AK9: variants seen among roughly 807,000 people sequenced by gnomAD.
AK9 encodes the protein adenylate kinase domain containing 1.
Under a neutral mutation model 239.6 loss-of-function variants are expected in AK9, and 191 were observed. The observed-to-expected ratio is 0.80, with a 90% CI of 0.71 to 0.90. The LOEUF (loss-of-function observed/expected upper bound fraction) is 0.90. Ranked by LOEUF, AK9 falls within the 40% of genes least tolerant of loss-of-function variation. AK9 has a pLI of 0.00. For synonymous variants in AK9, 689 were observed against 721.0 expected, an observed-to-expected ratio of 0.96 and a Z score of 0.71; for missense variants, 1,995 against 2,214.7, an observed-to-expected ratio of 0.90 and a Z score of 1.99.
At chr6:109,659,457 G>C (rs766047136) in intron 6 of AK9, 44 bp from the exon 7 acceptor site, 1 of 1,560,972 alleles carries the variant, frequency 6.4e-7, no homozygotes. Context: ...TTTTGAATAT[G>C]CTTTTAATTC....
At chr6:109,687,320 C>T (rs994662417) in intron 1 of AK9, among the ~76,000 whole-genome samples, 4 of 152,196 alleles carry the variant, frequency 2.6e-5, no homozygotes, top group African/African-American at 9.7e-5. Context: ...GTAGCAAACA[C>T]ACCCTAATCT....
intron 8 of AK9, among the ~76,000 whole-genome samples, chr6:109,654,551 G>A (rs923576087): frequency 3.9e-5 from 6 of 151,972 alleles, no homozygotes; most frequent in Admixed American, 2.6e-4. Flanking sequence ...GGCTGGTCTC[G>A]AACTCCTGAG....
At chr6:109,689,199 G>C (rs1352571446) in intron 1 of AK9, among the ~76,000 whole-genome samples, 5 of 151,422 alleles carry the variant, frequency 3.3e-5, no homozygotes, top group Non-Finnish European at 7.4e-5. Context: ...CTTTTTTTTT[G>C]TAAGTCCTTT....
chr6:109,667,473 T>G (rs1801375883), intron 5 of AK9, among the ~76,000 whole-genome samples: 1 of 152,190 alleles, frequency 6.6e-6, no homozygotes. Context: ...TACGTATGTA[T>G]ATGTGTGCCA....
intron 35 of AK9, among the ~76,000 whole-genome samples, chr6:109,499,851 C>T (rs145655884): frequency 0.023 from 3,459 of 152,234 alleles, 73 homozygotes; most frequent in Non-Finnish European, 0.034. Context: ...CCACCCACCT[C>T]GGCCTCCCAA....
chr6:109,495,510 G>C, intron 38 of AK9, 70 bp from the exon 39 acceptor site: 1 of 1,082,654 alleles, frequency 9.2e-7, no homozygotes. Context: ...GAATAGACAA[G>C]AGACTATTAG....
At chr6:109,516,704 A>C in intron 29 of AK9, 62 bp from the exon 30 acceptor site, 1 of 1,368,090 alleles carries the variant, frequency 7.3e-7, no homozygotes, top group South Asian at 1.3e-5. Context: ...GACACTATTA[A>C]CAAATCATCT....
intron 12 of AK9, among the ~76,000 whole-genome samples, chr6:109,627,177 G>A (rs1280876747): frequency 7.2e-6 from 1 of 139,054 alleles, no homozygotes; most frequent in Non-Finnish European, 1.5e-5. Context: ...CCTACATGGG[G>A]TCAGGATTAT....
At chr6:109,538,704 T>C (rs1158740032) in intron 27 of AK9, among the ~76,000 whole-genome samples, 1 of 152,198 alleles carries the variant, frequency 6.6e-6, no homozygotes, top group Non-Finnish European at 1.5e-5. Context: ...CTAGCATCAA[T>C]GATCTTTACA....
Position 109,661,956 on chromosome 6 carries a change from C to T in AK9, c.444+595G>A, listed in dbSNP as rs116124300. Reference sequence around the variant, plus strand: ...GAGAGAATTAGGAACAAGACCCAACCTTAACTCGTAATTAATGTAGTAGTG... The same window carrying T: ...GAGAGAATTAGGAACAAGACCCAACTTTAACTCGTAATTAATGTAGTAGTG... On this transcript the variant is annotated intron_variant, in intron 6 of 40. Transcript: ENST00000424296. 3.0e-3 allele frequency among the ~76,000 whole-genome samples: 452 copies of T among 152,266 alleles called. 1 individual carries two copies. Among genetic ancestry groups the T allele is most frequent in the African/African-American group, 0.01 (429 of 41,558 alleles).
At chr6:109,587,824 G>A (rs945628751) in intron 17 of AK9, among the ~76,000 whole-genome samples, 6 of 152,038 alleles carry the variant, frequency 3.9e-5, no homozygotes, top group African/African-American at 7.2e-5. Context: ...ATGGGATTGC[G>A]GTTCAATGGT....
intron 29 of AK9, among the ~76,000 whole-genome samples, chr6:109,518,120 C>T (rs1779453691): frequency 6.6e-6 from 1 of 152,088 alleles, no homozygotes; most frequent in Admixed American, 6.6e-5. Flanking sequence ...ATGACCAGGC[C>T]TCTGGTCATT....
chr6:109,655,637 C>T (rs1799587438), intron 8 of AK9, among the ~76,000 whole-genome samples: 1 of 152,186 alleles, frequency 6.6e-6, no homozygotes. Flanking sequence ...GGGCGCTGCA[C>T]TGCCCAAATG....
In AK9 at chr6:109,579,646, AT is replaced by A. The variant is rs1788568740; in HGVS notation, c.2115-21del. Reference sequence around the variant, plus strand: ...GCTTTTCTGAAATGAAAAGGTTCAAATTTAATTATCTTTGGAAATTCAGACT... The same window carrying A: ...GCTTTTCTGAAATGAAAAGGTTCAAATTAATTATCTTTGGAAATTCAGACT... On this transcript the variant is annotated intron_variant, in intron 19 of 40. Transcript: ENST00000424296. The A allele has an allele frequency of 6.5e-7, 1 of 1,544,570 alleles. No individual in the cohort carries two copies. Among genetic ancestry groups the A allele is most frequent in the African/African-American group, 1.4e-5 (1 of 72,724 alleles).
At chr6:109,670,027 T>C (rs1374422210) in intron 5 of AK9, among the ~76,000 whole-genome samples, 3 of 152,098 alleles carry the variant, frequency 2.0e-5, no homozygotes, top group Non-Finnish European at 4.4e-5. Context: ...AGTACTGGGG[T>C]CTGAGGAATG....
intron 12 of AK9, among the ~76,000 whole-genome samples, chr6:109,620,335 A>T (rs1030826824): frequency 6.6e-6 from 1 of 152,128 alleles, no homozygotes; most frequent in Non-Finnish European, 1.5e-5. Flanking sequence ...GAAGTTTTTA[A>T]ATTTTCTAGT....
intron 10 of AK9, among the ~76,000 whole-genome samples, chr6:109,634,471 GA>G (rs1475132954): frequency 6.6e-6 from 1 of 152,174 alleles, no homozygotes; most frequent in African/African-American, 2.4e-5. Flanking sequence ...ATGGCGAGGG[GA>G]AAACTGCTCC....
At chr6:109,550,022 T>C (rs1314027145) in intron 25 of AK9, 68 bp downstream of exon 25, 16 of 1,445,044 alleles carry the variant, frequency 1.1e-5, no homozygotes, top group African/African-American at 2.8e-5. Flanking sequence ...AGTAAATTGA[T>C]GGTGATTGGT....
intron 24 of AK9, among the ~76,000 whole-genome samples, chr6:109,553,366 T>C (rs1784585473): frequency 6.6e-6 from 1 of 152,204 alleles, no homozygotes; most frequent in African/African-American, 2.4e-5. Flanking sequence ...TTGTGTCTTC[T>C]CTTATTTCCT....
Sources: allele counts gnomAD v4.1 joint callset (sites outside exome capture counted in the v4.1 genomes callset), GRCh38; gene constraint gnomAD v4.1.1; transcripts MANE v1.5; gene names NCBI Gene and HGNC (gene_info 2026-07-23, HGNC 2026-07-21).